Variants in ATRNL1 observed in about 807,000 individuals in gnomAD.
ATRNL1 encodes the protein attractin-like protein 1.
In ATRNL1, 95 loss-of-function variants were observed where a neutral mutation model predicts 182.7. The observed-to-expected ratio is 0.52, with a 90% confidence interval of 0.44 to 0.62. ATRNL1 has a LOEUF of 0.62. Ranked by LOEUF, ATRNL1 falls within the 20% of genes least tolerant of loss-of-function variation. The pLI is 0.00. For synonymous variants in ATRNL1, 576 were observed against 568.3 expected (o/e 1.01, Z -0.19); for missense variants, 1,471 against 1,679.5 (o/e 0.88, Z 2.17).
intron 5 of ATRNL1, among the ~76,000 whole-genome samples, chr10:115,151,874 T>C (rs1298794596): frequency 6.6e-6 from 1 of 152,238 alleles, no homozygotes; most frequent in Non-Finnish European, 1.5e-5. Flanking sequence ...TTAATTCATC[T>C]TGAATTAATT....
intron 26 of ATRNL1, among the ~76,000 whole-genome samples, chr10:115,646,057 A>ACACACACACG (rs1859593293): frequency 6.6e-6 from 1 of 151,736 alleles, no homozygotes; most frequent in Non-Finnish European, 1.5e-5. Context: ...ACACACACAC[A>ACACACACACG]CACACACACA....
intron 25 of ATRNL1, among the ~76,000 whole-genome samples, chr10:115,532,208 C>CT (rs1425582260): frequency 6.6e-6 from 1 of 152,028 alleles, no homozygotes; most frequent in Non-Finnish European, 1.5e-5. Context: ...GAATCTATAA[C>CT]TTACCTTGGG....
At chr10:115,365,609 T>C (rs1856992855) in intron 19 of ATRNL1, among the ~76,000 whole-genome samples, 1 of 152,050 alleles carries the variant, frequency 6.6e-6, no homozygotes, top group Admixed American at 6.5e-5. Context: ...TTAATTGTGA[T>C]GTTAGGGTGT....
At chr10:115,151,653 T>C (rs1267308099) in intron 5 of ATRNL1, among the ~76,000 whole-genome samples, 1 of 152,212 alleles carries the variant, frequency 6.6e-6, no homozygotes, top group Non-Finnish European at 1.5e-5. Context: ...AAAAACTTTC[T>C]CCCATTCTGT....
chr10:115,407,296 C>T (rs115564412), intron 20 of ATRNL1, among the ~76,000 whole-genome samples: 369 of 152,160 alleles, frequency 2.4e-3, no homozygotes, highest in African/African-American at 8.4e-3. Context: ...CTATAGTCCT[C>T]TTAAAGTAGT....
At chr10:115,388,972 A>AAT (rs1228767719) in intron 19 of ATRNL1, among the ~76,000 whole-genome samples, 1 of 152,096 alleles carries the variant, frequency 6.6e-6, no homozygotes, top group Non-Finnish European at 1.5e-5. Context: ...GTAATTTTGA[A>AAT]ATATATATTC....
chr10:115,728,086 T>C (rs377545217), intron 27 of ATRNL1, among the ~76,000 whole-genome samples: 43 of 116,498 alleles, frequency 3.7e-4, no homozygotes, highest in South Asian at 2.6e-3. Flanking sequence ...CCATCCTGGC[T>C]AACATGGTGA....
rs149648603 is a variant in ATRNL1 at position 115,739,424 on chromosome 10, T to C, written c.3903+12069T>C. ...ATAGCTTTGGATAAACAAGACTGAATTGCCAACACTGTCCTCCACCCTTCA... is the reference window on the plus strand; with the variant it reads ...ATAGCTTTGGATAAACAAGACTGAACTGCCAACACTGTCCTCCACCCTTCA... On this transcript the variant is annotated intron_variant, in intron 27 of 28. Transcript: ENST00000355044. Among the ~76,000 whole-genome samples, 148 of 152,310 alleles carry C rather than the reference T, an allele frequency of 9.7e-4. 2 individuals are homozygous for C. In the East Asian group the frequency reaches 0.026, roughly 27 times the overall value.
intron 27 of ATRNL1, among the ~76,000 whole-genome samples, chr10:115,757,208 T>C (rs1948613584): frequency 6.6e-6 from 1 of 152,214 alleles, no homozygotes; most frequent in Non-Finnish European, 1.5e-5. Context: ...ATTATGATGC[T>C]AGCTGGTTAT....
In ATRNL1 at chr10:115,626,116, TG is replaced by T. The variant is rs371985911; in HGVS notation, c.3795+76582del. 2.1e-3 allele frequency among the ~76,000 whole-genome samples: 318 copies of T among 152,326 alleles called. 1 individual carries two copies. Among genetic ancestry groups the T allele is most frequent in the African/African-American group, 7.1e-3 (297 of 41,574 alleles). On this transcript the variant is annotated intron_variant, in intron 26 of 28. Transcript: ENST00000355044. ...AATATTAAACCCTTCTCAGCTAGTT[TG>T]GTTACTTATCATTCATCATTTTTAT... is the stretch of plus-strand genomic sequence containing the variant.
intron 15 of ATRNL1, among the ~76,000 whole-genome samples, chr10:115,287,960 T>C (rs987500040): frequency 1.4e-5 from 2 of 147,140 alleles, no homozygotes; most frequent in Non-Finnish European, 3.0e-5. Context: ...CTTCCACTTA[T>C]GAATGAGAAC....
chr10:115,202,402 T>TC (rs1163481168), intron 8 of ATRNL1, among the ~76,000 whole-genome samples: 2 of 151,826 alleles, frequency 1.3e-5, no homozygotes, highest in African/African-American at 4.8e-5. Context: ...TTGAGATACA[T>TC]CCCATCAATA....
rs533040873 is a variant in ATRNL1 at position 115,444,746 on chromosome 10, C to A, written c.3323-17195C>A. ...TATTTTATTTTTGAGGTGGATAGAG[C>A]AAGATATTTATATCTTGCTCTGTCA... On this transcript the variant is annotated intron_variant, in intron 21 of 28. Coordinates refer to ENST00000355044, the MANE Select transcript of ATRNL1 (RefSeq NM_207303.4). 8.6e-5 allele frequency among the ~76,000 whole-genome samples: 13 copies of A among 151,530 alleles called. No homozygotes were observed. The South Asian group carries it at 2.3e-3, about 27-fold the overall frequency.
intron 13 of ATRNL1, among the ~76,000 whole-genome samples, chr10:115,279,501 C>T (rs1180872134): frequency 6.6e-6 from 1 of 152,170 alleles, no homozygotes; most frequent in Non-Finnish European, 1.5e-5. Flanking sequence ...ACACTCTTCC[C>T]TCTTCAGTCA....
intron 24 of ATRNL1, among the ~76,000 whole-genome samples, chr10:115,471,159 A>G (rs1848291469): frequency 6.6e-6 from 1 of 150,684 alleles, no homozygotes; most frequent in Non-Finnish European, 1.5e-5. Context: ...TTCCATTGTT[A>G]TGTGTGTGTA....
intron 21 of ATRNL1, among the ~76,000 whole-genome samples, chr10:115,442,623 A>G (rs1050683109): frequency 2.0e-4 from 31 of 152,080 alleles, no homozygotes; most frequent in African/African-American, 7.2e-4. Context: ...CTGTGTTATC[A>G]TAAACTATCT....
chr10:115,728,250 C>A (rs1265749738), intron 27 of ATRNL1, among the ~76,000 whole-genome samples: 1 of 140,240 alleles, frequency 7.1e-6, no homozygotes, highest in Non-Finnish European at 1.5e-5. Flanking sequence ...AGCCGAGATC[C>A]TGCCACTGCA....
At chr10:115,876,069 C>A (rs1333022502) in intron 28 of ATRNL1, among the ~76,000 whole-genome samples, 1 of 152,120 alleles carries the variant, frequency 6.6e-6, no homozygotes, top group East Asian at 1.9e-4. Flanking sequence ...GAAACTGGAA[C>A]CTGGAATGGC....
intron 18 of ATRNL1, among the ~76,000 whole-genome samples, chr10:115,324,862 A>G (rs1230266489): frequency 1.3e-5 from 2 of 152,170 alleles, no homozygotes; most frequent in South Asian, 2.1e-4. Flanking sequence ...TATTCCACGT[A>G]TAGTAAAATT....
Sources: gnomAD v4.1 joint callset for allele counts (sites outside exome capture counted in the v4.1 genomes callset) on GRCh38, gnomAD v4.1.1 for gene constraint, MANE v1.5 for transcripts, NCBI Gene and HGNC (gene_info 2026-07-23, HGNC 2026-07-21) for gene names.